CFAP91: variants seen among roughly 807,000 people sequenced by gnomAD.
CFAP91 encodes cilia- and flagella-associated protein 91.
In CFAP91, 85 loss-of-function variants were observed where a neutral mutation model predicts 95.9. The ratio of observed to expected loss-of-function variants is 0.89; its 90% CI spans 0.74 to 1.06. CFAP91 has a LOEUF of 1.06. Ranked by LOEUF, CFAP91 falls within the 50% of genes least tolerant of loss-of-function variation. CFAP91 has a pLI of 0.00. For missense variants in CFAP91, 962 were observed against 943.4 expected, an observed-to-expected ratio of 1.02 and a Z score of -0.26; for synonymous variants, 335 against 327.5, an observed-to-expected ratio of 1.02 and a Z score of -0.25.
chr3:119,747,851 G>A lies in CFAP91; in HGVS notation c.2092G>A (p.Val698Ile), dbSNP rs193146105. ...LQSEEIVAEL[V>I]YSFLIPEVQK... ...GTCAGAGGAGATTGTTGCTGAGTTG[G>A]TTTATAGTTTTCTGATCCCAGAGGT... Residue 698 changes from valine to isoleucine, a missense_variant, in exon 16 of 18, where the codon GTT (valine) becomes ATT (isoleucine). Coordinates refer to ENST00000273390, the MANE Select transcript of CFAP91 (RefSeq NM_033364.4). 116 of 1,613,650 alleles carry A rather than the reference G, an allele frequency of 7.2e-5. No homozygotes were observed. In the East Asian group the frequency reaches 2.6e-3, roughly 36 times the overall value.
chr3:119,747,890 G>T lies in CFAP91; in HGVS notation c.2131G>T (p.Val711Phe), dbSNP rs2054255535. Reference protein sequence around the residue: ...FLIPEVQKYFVKEKVRNAQRK... With the variant: ...FLIPEVQKYFFKEKVRNAQRK... ...GATCCCAGAGGTGCAAAAATACTTT[G>T]TCAAAGAAAAAGGTAAGCCAATGTA... is the stretch of plus-strand genomic sequence containing the variant. The change falls in exon 16 of 18, where the codon GTC (valine) becomes TTC (phenylalanine). Residue 711 changes from valine to phenylalanine, a missense_variant. By Grantham distance (50) the Val-to-Phe change is conservative. Coordinates refer to ENST00000273390, the MANE Select transcript of CFAP91 (RefSeq NM_033364.4). The T allele has an allele frequency of 5.6e-6, 9 of 1,611,820 alleles. No individual in the cohort carries two copies. Among genetic ancestry groups the T allele is most frequent in the Non-Finnish European group, 7.6e-6 (9 of 1,178,736 alleles).
chr3:119,737,846 A>G (rs2054040413), intron 11 of CFAP91, among the ~76,000 whole-genome samples: 1 of 152,202 alleles, frequency 6.6e-6, no homozygotes, highest in Admixed American at 6.5e-5. Flanking sequence ...GTCGAAGAGG[A>G]ATGAAATGCC....
At chr3:119,703,417 G>C in intron 1 of CFAP91, 195 bp downstream of exon 1, 2 of 771,398 alleles carry the variant, frequency 2.6e-6, no homozygotes, top group Non-Finnish European at 4.0e-6. Context: ...GGGGTCGGGG[G>C]TTCGGGTACA....
intron 16 of CFAP91, among the ~76,000 whole-genome samples, chr3:119,749,522 A>T (rs976271052): frequency 1.4e-5 from 2 of 143,914 alleles, no homozygotes; most frequent in African/African-American, 5.1e-5. Flanking sequence ...GACCCTGTCT[A>T]AAAAAAAAAA....
chr3:119,742,339 TC>T (rs1277443937), intron 13 of CFAP91, among the ~76,000 whole-genome samples: 1 of 151,998 alleles, frequency 6.6e-6, no homozygotes, highest in East Asian at 1.9e-4. Context: ...TCTGCCCCCT[TC>T]CCCCTTCTCT....
At chr3:119,747,490 A>T in intron 15 of CFAP91, 1 of 566,252 alleles carries the variant, frequency 1.8e-6, no homozygotes, top group South Asian at 2.6e-5. Flanking sequence ...TTACTTTAAG[A>T]ATACTCGGAA....
Position 119,765,940 on chromosome 3 carries a change from C to T in CFAP91, c.*890C>T, listed in dbSNP as rs1043962585. ...TTTGCTGAGTGTTTTTAATAGGAGT[C>T]AAAAAGAAAGGGTCTTTTCAGAAAC... On this transcript the variant is annotated 3_prime_UTR_variant, in exon 18 of 18. Transcript: ENST00000273390. 6.6e-6 allele frequency: 1 copy of T among 151,806 alleles called. No homozygotes were observed. Among genetic ancestry groups the T allele is most frequent in the African/African-American group, 2.4e-5 (1 of 41,298 alleles). 9.4% of individuals were successfully genotyped at this position (151,806 alleles called of 1,614,324 possible). A position where few individuals can be genotyped will look rare whatever the true frequency, so the allele number is the denominator to read the frequency against.
chr3:119,715,270 T>C (rs2053551562), intron 5 of CFAP91: 10 of 493,646 alleles, frequency 2.0e-5, no homozygotes, highest in South Asian at 1.6e-4. Flanking sequence ...CATTCTAGAA[T>C]AGCTCTGTTC....
At position 119,740,942 on chromosome 3, in the gene CFAP91, C is replaced by T. The variant is rs1362766943; in HGVS notation, c.1680+247C>T. On this transcript the variant is annotated intron_variant, in intron 13 of 17. Transcript: ENST00000273390. ...CAGTCGTGGCTCACTGCAACCTCTG[C>T]CTCACGGGTTCAAATGATTCTCCTG... 2.6e-5 allele frequency: 12 copies of T among 459,642 alleles called. No individual in the cohort carries two copies. In the East Asian group the frequency reaches 3.1e-4, roughly 12 times the overall value. The allele number at this position is 459,642 out of a possible 1,614,324, so 28.5% of individuals were successfully genotyped here. A position where few individuals can be genotyped will look rare whatever the true frequency, so the allele number is the denominator to read the frequency against.
rs757327899 is a variant in CFAP91, at chr3:119,747,261, C to T, written c.2049C>T (p.Ser683=). The T allele has an allele frequency of 1.2e-6, 2 of 1,612,282 alleles. No homozygotes were observed. Among genetic ancestry groups the T allele is most frequent in the South Asian group, 2.2e-5 (2 of 90,672 alleles). Residue 683 remains serine (S), a splice_region_variant and synonymous_variant, in exon 15 of 18, where the codon AGC becomes AGT. Coordinates refer to ENST00000273390, the MANE Select transcript of CFAP91 (RefSeq NM_033364.4). The part of the protein sequence containing the change: ...KINDIAYEME[S]RRTYLQSEEI... Reference sequence around the variant, plus strand: ...ATGACATTGCTTATGAAATGGAAAGCCGGTGTGTATCAAGAGAACAGATTG... The same window carrying T: ...ATGACATTGCTTATGAAATGGAAAGTCGGTGTGTATCAAGAGAACAGATTG...
chr3:119,718,223 A>G (rs1272526703), intron 6 of CFAP91, among the ~76,000 whole-genome samples: 3 of 152,216 alleles, frequency 2.0e-5, no homozygotes, highest in Non-Finnish European at 2.9e-5. Flanking sequence ...CTATATTCTC[A>G]AAAGGATGAG....
chr3:119,751,649 A>T (rs2054326564), intron 17 of CFAP91, among the ~76,000 whole-genome samples: 1 of 152,202 alleles, frequency 6.6e-6, no homozygotes, highest in Non-Finnish European at 1.5e-5. Flanking sequence ...GCAAGGCAAC[A>T]TCAGACATTT....
At chr3:119,757,194 T>G (rs757633366) in intron 17 of CFAP91, among the ~76,000 whole-genome samples, 2 of 152,122 alleles carry the variant, frequency 1.3e-5, no homozygotes, top group Non-Finnish European at 2.9e-5. Context: ...GAAGATATAA[T>G]GTCACAATTT....
chr3:119,750,881 G>T (rs559092113), intron 16 of CFAP91, 56 bp from the exon 17 acceptor site: 2 of 1,589,626 alleles, frequency 1.3e-6, no homozygotes, highest in East Asian at 2.2e-5. Flanking sequence ...TGAAACATTT[G>T]GGAATGGTTT....
intron 12 of CFAP91, 131 bp downstream of exon 12, chr3:119,739,457 G>C: frequency 1.3e-6 from 1 of 766,358 alleles, no homozygotes. Context: ...CTCTTGAGTT[G>C]CCTACCCATT....
chr3:119,719,735 G>C (rs1038970799), intron 6 of CFAP91, among the ~76,000 whole-genome samples: 4 of 152,168 alleles, frequency 2.6e-5, no homozygotes, highest in African/African-American at 7.2e-5. Context: ...GGATAGAAAG[G>C]GGGACAGAGT....
chr3:119,707,577 C>T lies in CFAP91; in HGVS notation c.359+16C>T. 1 of 1,524,662 alleles carries T rather than the reference C, an allele frequency of 6.6e-7. No homozygotes were observed. Among genetic ancestry groups the T allele is most frequent in the Non-Finnish European group, 8.9e-7 (1 of 1,125,030 alleles). The allele number at this position is 1,524,662 out of a possible 1,614,324, so 94.4% of individuals were successfully genotyped here. A position where few individuals can be genotyped will look rare whatever the true frequency, so the allele number is the denominator to read the frequency against. On this transcript the variant is annotated intron_variant, in intron 3 of 17. Coordinates refer to ENST00000273390, the MANE Select transcript of CFAP91 (RefSeq NM_033364.4). ...AGCTCACCACGTAAGTGTCGGGTGG[C>T]TCCAGGGCCTAAAATAAATGCATTA...
chr3:119,720,173 G>C (rs1304931020), intron 6 of CFAP91, among the ~76,000 whole-genome samples: 1 of 151,690 alleles, frequency 6.6e-6, no homozygotes, highest in Non-Finnish European at 1.5e-5. Flanking sequence ...TGGATCACGA[G>C]GTCAAGAGAT....
At chr3:119,718,080 C>T (rs149312581) in intron 6 of CFAP91, among the ~76,000 whole-genome samples, 1,978 of 152,270 alleles carry the variant, frequency 0.013, 15 homozygotes, top group Admixed American at 0.019. Flanking sequence ...CAGCTGGTCT[C>T]CACCCAAGAA....
Sources: allele counts gnomAD v4.1 joint callset (sites outside exome capture counted in the v4.1 genomes callset), GRCh38; gene constraint gnomAD v4.1.1; transcripts MANE v1.5; gene names NCBI Gene and HGNC (gene_info 2026-07-23, HGNC 2026-07-21).